Variants in MAN1C1 observed in about 807,000 individuals in gnomAD.
The protein encoded by MAN1C1 is mannosyl-oligosaccharide 1,2-alpha-mannosidase IC.
MAN1C1 carries 49 observed loss-of-function variants against 71.5 expected under a neutral mutation model. That is an observed-to-expected ratio of 0.69 (90% CI 0.54 to 0.87). The LOEUF is 0.87. Among genes scored for constraint, MAN1C1 ranks in the 40% least tolerant of loss-of-function variants. MAN1C1 has a pLI of 0.00. For missense variants in MAN1C1, 743 were observed against 835.0 expected (o/e 0.89, Z 1.36); for synonymous variants, 352 against 343.7 (o/e 1.02, Z -0.27).
intron 7 of MAN1C1, among the ~76,000 whole-genome samples, chr1:25,765,512 G>T (rs941527476): frequency 6.6e-6 from 1 of 152,314 alleles, no homozygotes; most frequent in African/African-American, 2.4e-5. Flanking sequence ...AAGTGGGTAT[G>T]AGTCTAATGA....
chr1:25,643,421 ATTTTTTTTTTT>A (rs11326338), intron 1 of MAN1C1, among the ~76,000 whole-genome samples: 95 of 115,444 alleles, frequency 8.2e-4, no homozygotes, highest in African/African-American at 3.4e-3. Flanking sequence ...CGCCTGGCTA[ATTTTTTTTTTT>A]TTTTTTTTTT....
In MAN1C1 at chr1:25,735,636, T is replaced by G. The variant is rs1173077037; in HGVS notation, c.638-11032T>G. 6.6e-6 allele frequency among the ~76,000 whole-genome samples: 1 copy of G among 152,196 alleles called. No individual in the cohort carries two copies. On this transcript the variant is annotated intron_variant, in intron 2 of 11. Transcript: ENST00000374332. This position sits in a 1 kb window ranked among gnomAD's most constrained non-coding sequence, Gnocchi z 4.6. Reference sequence around the variant, plus strand: ...TGTATTATAACAAAGTATTCCACAGTGAGAGGCAGACCACAGTGTTGTTTG... The same window carrying G: ...TGTATTATAACAAAGTATTCCACAGGGAGAGGCAGACCACAGTGTTGTTTG...
intron 2 of MAN1C1, among the ~76,000 whole-genome samples, chr1:25,740,120 G>A (rs948133156): frequency 4.6e-5 from 7 of 152,168 alleles, no homozygotes; most frequent in Admixed American, 1.3e-4. Flanking sequence ...AGATCCGTGC[G>A]TGATGCCCCT....
In MAN1C1 at chr1:25,781,026, C is replaced by T. The variant is rs763098552; in HGVS notation, c.1564C>T (p.Arg522Trp). ...TQLSESYYIL[R>W]PEVVESYMYL... is the part of the protein sequence containing the mutation. ...GCTGAGCGAGAGCTACTACATCCTC[C>T]GGCCAGAGGTGGTGGAGAGCTACAT... The change falls in exon 10 of 12, where the codon CGG becomes TGG. Residue 522 changes from arginine (R) to tryptophan (W), a missense_variant. Arg to Trp is a moderately radical substitution (Grantham distance 101). Coordinates refer to ENST00000374332, the MANE Select transcript of MAN1C1 (RefSeq NM_020379.4). 9 of 1,614,120 alleles carry T rather than the reference C, an allele frequency of 5.6e-6. No homozygotes were observed. Among genetic ancestry groups the T allele is most frequent in the Admixed American group, 1.7e-5 (1 of 60,028 alleles).
At chr1:25,722,083 C>T (rs1484734545) in intron 2 of MAN1C1, among the ~76,000 whole-genome samples, 1 of 152,208 alleles carries the variant, frequency 6.6e-6, no homozygotes, top group Non-Finnish European at 1.5e-5. Context: ...AAGTCATTTT[C>T]CCTCTGAATT....
chr1:25,620,137 G>T (rs926885863), intron 1 of MAN1C1, among the ~76,000 whole-genome samples: 1 of 152,168 alleles, frequency 6.6e-6, no homozygotes, highest in Non-Finnish European at 1.5e-5. Flanking sequence ...GCAGAGTCTG[G>T]GATGATGCTT....
rs2045111875 is a variant in MAN1C1, at chr1:25,617,208, G to A, written c.-590G>A. Among the ~76,000 whole-genome samples, 2 of 151,692 alleles carry A rather than the reference G, an allele frequency of 1.3e-5. No individual in the cohort carries two copies. Among genetic ancestry groups the A allele is most frequent in the Non-Finnish European group, 2.9e-5 (2 of 67,854 alleles). Reference sequence around the variant, plus strand: ...CTCCGCGGCGGAGAAAGTTGTGGACGTGTCCCGATAGTCGAGCCCGGGCGC... The same window carrying A: ...CTCCGCGGCGGAGAAAGTTGTGGACATGTCCCGATAGTCGAGCCCGGGCGC... On this transcript the variant is annotated 5_prime_UTR_variant, in exon 1 of 12. The change creates a new upstream start codon in the 5' untranslated region. Coordinates refer to ENST00000374332, the MANE Select transcript of MAN1C1 (RefSeq NM_020379.4). The surrounding 1 kb of genome is among the most constrained non-coding windows in gnomAD (Gnocchi z 5.1).
intron 5 of MAN1C1, among the ~76,000 whole-genome samples, chr1:25,755,994 C>A (rs908410502): frequency 6.6e-6 from 1 of 152,208 alleles, no homozygotes; most frequent in Non-Finnish European, 1.5e-5. Flanking sequence ...GAATTGGATT[C>A]AGTTCTACCA....
At chr1:25,639,218 C>T (rs2045505650) in intron 1 of MAN1C1, among the ~76,000 whole-genome samples, 1 of 152,072 alleles carries the variant, frequency 6.6e-6, no homozygotes, top group African/African-American at 2.4e-5. Flanking sequence ...TTTTGTTTCT[C>T]TGAGATTTCC....
chr1:25,700,573 T>G (rs3754151), intron 2 of MAN1C1, among the ~76,000 whole-genome samples: 10,351 of 152,266 alleles, frequency 0.068, 495 homozygotes, highest in Non-Finnish European at 0.11. Flanking sequence ...GCCATCCCCC[T>G]GTGCTACCAG....
At chr1:25,644,511 TA>T (rs2045583960) in intron 1 of MAN1C1, 4 of 99,690 alleles carry the variant, frequency 4.0e-5, no homozygotes, top group African/African-American at 2.5e-4. Context: ...TATATATATA[TA>T]TATATATTTT....
chr1:25,754,576 G>A (rs1375805584), intron 5 of MAN1C1, among the ~76,000 whole-genome samples: 1 of 152,058 alleles, frequency 6.6e-6, no homozygotes, highest in Non-Finnish European at 1.5e-5. Context: ...TCCCAGTCTC[G>A]ATGCCAGGGT....
chr1:25,778,240 G>A lies in MAN1C1; in HGVS notation c.1393G>A (p.Asp465Asn). The A allele has an allele frequency of 1.2e-6, 2 of 1,614,140 alleles. No homozygotes were observed. Among genetic ancestry groups the A allele is most frequent in the Non-Finnish European group, 1.7e-6 (2 of 1,179,994 alleles). Residue 465 changes from aspartate to asparagine, a missense_variant, in exon 9 of 12, where the codon GAT becomes AAT. Coordinates refer to ENST00000374332, the MANE Select transcript of MAN1C1 (RefSeq NM_020379.4). This position sits in a 1 kb window ranked among gnomAD's most constrained non-coding sequence, Gnocchi z 5.5. ...SGGMIALGAE[D>N]AKEEKRAHYR... is the part of the protein sequence containing the mutation. ...GGGCATGATCGCCCTTGGCGCCGAG[G>A]ATGCCAAGGAAGAAAAGAGGGCCCA...
rs533504223 is a variant in MAN1C1, at chr1:25,769,342, ACATT to A, written c.1142-2308_1142-2305del. On this transcript the variant is annotated intron_variant, in intron 7 of 11. Transcript: ENST00000374332. The surrounding 1 kb of genome is among the most constrained non-coding windows in gnomAD (Gnocchi z 4.8). ...CCCCATACACCTACATACACCACAC[ACATT>A]CATTCACCACACATACACACTCACC... Among the ~76,000 whole-genome samples the A allele has an allele frequency of 1.5e-3, 234 of 151,086 alleles. 1 individual carries two copies. Among genetic ancestry groups the A allele is most frequent in the African/African-American group, 4.8e-3 (196 of 41,008 alleles).
chr1:25,675,587 G>C (rs867366547), intron 1 of MAN1C1, among the ~76,000 whole-genome samples: 56 of 141,268 alleles, frequency 4.0e-4, no homozygotes, highest in South Asian at 6.9e-4. Context: ...TATTTTGCGG[G>C]GGGGGGGGGA....
At chr1:25,674,673 G>A (rs1375783817) in intron 1 of MAN1C1, among the ~76,000 whole-genome samples, 2 of 152,162 alleles carry the variant, frequency 1.3e-5, no homozygotes, top group African/African-American at 2.4e-5. Flanking sequence ...CCTGTGGCAG[G>A]GGGAGGCATG....
At chr1:25,647,571 T>C (rs1572118622) in intron 1 of MAN1C1, among the ~76,000 whole-genome samples, 1 of 152,170 alleles carries the variant, frequency 6.6e-6, no homozygotes, top group Non-Finnish European at 1.5e-5. Context: ...TGATTGATTC[T>C]TACCTGGGGG....
Position 25,679,974 on chromosome 1 carries a change from T to C in MAN1C1, c.541-6466T>C, listed in dbSNP as rs1267931512. 6.1e-3 allele frequency among the ~76,000 whole-genome samples: 812 copies of C among 132,188 alleles called. 4 individuals are homozygous for C. Among genetic ancestry groups the C allele is most frequent in the Non-Finnish European group, 9.4e-3 (602 of 63,836 alleles). The allele number at this position is 132,188 out of a possible 152,430, so 86.7% of individuals were successfully genotyped here. A position where few individuals can be genotyped will look rare whatever the true frequency, so the allele number is the denominator to read the frequency against. ...AAATATATATATATATATATATATA[T>C]ATATACACACACACACACACATATA... On this transcript the variant is annotated intron_variant, in intron 1 of 11. Coordinates refer to ENST00000374332, the MANE Select transcript of MAN1C1 (RefSeq NM_020379.4).
intron 2 of MAN1C1, among the ~76,000 whole-genome samples, chr1:25,740,743 A>G (rs1249402818): frequency 6.6e-6 from 1 of 151,762 alleles, no homozygotes; most frequent in Non-Finnish European, 1.5e-5. Flanking sequence ...GCTGACTTGA[A>G]TTTTTTAAAA....
Sources: allele counts gnomAD v4.1 joint callset (sites outside exome capture counted in the v4.1 genomes callset), GRCh38; gene constraint gnomAD v4.1.1; non-coding constraint Gnocchi (gnomAD v3.1); transcripts MANE v1.5; gene names NCBI Gene and HGNC (gene_info 2026-07-23, HGNC 2026-07-21).